The following AHNAK variants were observed in gnomAD, a reference collection of about 807,000 sequenced individuals.
AHNAK encodes AHNAK nucleoprotein.
AHNAK carries 23 observed loss-of-function variants against 37.8 expected under a neutral mutation model. The ratio of observed to expected loss-of-function variants is 0.61; its 90% CI spans 0.44 to 0.86. The LOEUF (loss-of-function observed/expected upper bound fraction) is 0.86. AHNAK is among the 40% of genes least tolerant of loss of function. The pLI, the probability that AHNAK is intolerant of heterozygous loss-of-function variation, is 0.00. For synonymous variants in AHNAK, 2,481 were observed against 2,636.3 expected (o/e 0.94, Z 1.80); for missense variants, 7,411 against 7,319.4 (o/e 1.01, Z -0.46).
At chr11:62,544,731 C>T (rs1941252044) in intron 1 of AHNAK, among the ~76,000 whole-genome samples, 1 of 152,166 alleles carries the variant, frequency 6.6e-6, no homozygotes, top group African/African-American at 2.4e-5. Flanking sequence ...CCCCATTCAG[C>T]TTCTGAAAGG....
Position 62,528,157 on chromosome 11 carries a change from T to C in AHNAK, c.6260A>G (p.Glu2087Gly), listed in dbSNP as rs1476092677. 1 of 1,613,506 alleles carries C rather than the reference T, an allele frequency of 6.2e-7. No homozygotes were observed. Among genetic ancestry groups the C allele is most frequent in the Admixed American group, 1.7e-5 (1 of 59,922 alleles). Residue 2087 changes from glutamate to glycine, a missense_variant, in exon 5 of 5, where the codon GAA (glutamate) becomes GGA (glycine). Coordinates refer to ENST00000378024, the MANE Select transcript of AHNAK (RefSeq NM_001620.3). Reference sequence around the variant, plus strand: ...ACCTTCAAGGCTCACATCTGGGACTTCAACATCCACCTTGGGTCCTGAGAC... The same window carrying C: ...ACCTTCAAGGCTCACATCTGGGACTCCAACATCCACCTTGGGTCCTGAGAC... ...VVVSGPKVDV[E>G]VPDVSLEGPE...
At position 62,481,643 on chromosome 11, in the gene AHNAK, T is replaced by TCTTGGCTCACTGCAAGCTCCA. The variant is rs1555024242; in HGVS notation, c.442+10088_442+10089insTGGAGCTTGCAGTGAGCCAAG. On this transcript the variant is annotated intron_variant, in intron 5 of 5. Coordinates refer to the AHNAK transcript ENST00000257247. ...CCTAGGCTGGAGTGCAGTGACACGA[T>TCTTGGCTCACTGCAAGCTCCA]CTTGGCTCACTGCAAGCTCCGCCTC... 3.6e-3 allele frequency among the ~76,000 whole-genome samples: 550 copies of TCTTGGCTCACTGCAAGCTCCA among 150,976 alleles called. 3 individuals carry two copies. The highest frequency in any genetic ancestry group is 0.013 in the African/African-American group (517 of 41,246).
chr11:62,465,544 C>A (rs1400083511), intron 5 of AHNAK, among the ~76,000 whole-genome samples: 3 of 151,828 alleles, frequency 2.0e-5, no homozygotes, highest in Admixed American at 2.0e-4. Context: ...ACCCAGGAGG[C>A]GGAGGTTGCA....
chr11:62,516,654 G>A lies in AHNAK; in HGVS notation c.*90C>T, dbSNP rs1940026830. ...TTGCATGATTGCTGAGGCAGTCGGT[G>A]TGTTTCCCTTTGGAGTTTATATAGG... On this transcript the variant is annotated 3_prime_UTR_variant, in exon 5 of 5. Transcript: ENST00000378024. 2 of 1,509,538 alleles carry A rather than the reference G, an allele frequency of 1.3e-6. No homozygotes were observed. The highest frequency in any genetic ancestry group is 2.8e-5 in the South Asian group (2 of 71,214). 93.5% of individuals were successfully genotyped at this position (1,509,538 alleles called of 1,614,324 possible). A position where few individuals can be genotyped will look rare whatever the true frequency, so the allele number is the denominator to read the frequency against.
At chr11:62,541,155 T>TC (rs1941111666) in intron 1 of AHNAK, among the ~76,000 whole-genome samples, 1 of 151,710 alleles carries the variant, frequency 6.6e-6, no homozygotes, top group African/African-American at 2.4e-5. Context: ...AAACACACAC[T>TC]CCCCCAGAGA....
intron 5 of AHNAK, among the ~76,000 whole-genome samples, chr11:62,463,761 T>C (rs1258135431): frequency 6.6e-6 from 1 of 151,908 alleles, no homozygotes; most frequent in Non-Finnish European, 1.5e-5. Flanking sequence ...TTGGGTTTTG[T>C]TTTTGTTTTT....
intron 5 of AHNAK, among the ~76,000 whole-genome samples, chr11:62,460,692 G>A (rs1463100403): frequency 6.6e-6 from 1 of 152,162 alleles, no homozygotes; most frequent in South Asian, 2.1e-4. Context: ...AGACAGATAA[G>A]GATGGTGGAA....
intron 4 of AHNAK, among the ~76,000 whole-genome samples, chr11:62,509,671 C>G (rs1939874682): frequency 6.6e-6 from 1 of 152,114 alleles, no homozygotes; most frequent in Non-Finnish European, 1.5e-5. Context: ...AATCCCAGCA[C>G]TTTGGGAGGC....
intron 5 of AHNAK, among the ~76,000 whole-genome samples, chr11:62,466,873 G>C (rs1162295869): frequency 6.6e-6 from 1 of 152,104 alleles, no homozygotes; most frequent in Non-Finnish European, 1.5e-5. Context: ...ACATAACTAA[G>C]ATAAGGAAGC....
chr11:62,447,399 C>T (rs1174696448), intron 5 of AHNAK, among the ~76,000 whole-genome samples: 1 of 152,168 alleles, frequency 6.6e-6, no homozygotes, highest in Admixed American at 6.5e-5. Context: ...ATCATCACCA[C>T]CCCACATCCC....
intron 5 of AHNAK, among the ~76,000 whole-genome samples, chr11:62,463,826 C>T (rs570515860): frequency 5.7e-4 from 87 of 152,032 alleles, no homozygotes; most frequent in Non-Finnish European, 1.0e-3. Flanking sequence ...TGCAATGGTA[C>T]GATCTCGGCT....
chr11:62,484,053 A>AG (rs1343284567), intron 5 of AHNAK, among the ~76,000 whole-genome samples: 25 of 150,356 alleles, frequency 1.7e-4, no homozygotes, highest in Non-Finnish European at 2.7e-4. Context: ...AAAAAAAAAA[A>AG]AAAGAAAGGG....
chr11:62,546,304 C>A (rs1049334990), intron 1 of AHNAK, among the ~76,000 whole-genome samples: 3 of 152,220 alleles, frequency 2.0e-5, no homozygotes, highest in Non-Finnish European at 4.4e-5. Flanking sequence ...AGCCCCCGAG[C>A]CACCGCCCCA....
chr11:62,536,329 G>A (rs1339870695), intron 2 of AHNAK, 140 bp downstream of exon 2: 5 of 458,198 alleles, frequency 1.1e-5, no homozygotes, highest in Non-Finnish European at 1.5e-5. Context: ...AGATGGAAAG[G>A]AGACAGCAGA....
Position 62,531,136 on chromosome 11 carries a change from C to A in AHNAK, c.3281G>T (p.Gly1094Val), listed in dbSNP as rs1442316765. Residue 1094 changes from glycine to valine, a missense_variant, in exon 5 of 5, where the codon GGT becomes GTT. Coordinates refer to ENST00000378024, the MANE Select transcript of AHNAK (RefSeq NM_001620.3). ...NVDISAPKIE[G>V]EMQVPDVDIR... is the part of the protein sequence containing the mutation. ...GTCCACATCTGGAACCTGCATTTCACCCTCTATCTTTGGTGCAGAGATATC... is the reference window on the plus strand; with the variant it reads ...GTCCACATCTGGAACCTGCATTTCAACCTCTATCTTTGGTGCAGAGATATC... 6.2e-7 allele frequency: 1 copy of A among 1,613,990 alleles called. No homozygotes were observed. The highest frequency in any genetic ancestry group is 1.3e-5 in the African/African-American group (1 of 74,906).
rs199977563 is a variant in AHNAK, at chr11:62,530,132, C to A, written c.4285G>T (p.Gly1429Cys). 163 of 1,613,956 alleles carry A rather than the reference C, an allele frequency of 1.0e-4. 1 individual carries two copies. Among genetic ancestry groups the A allele is most frequent in the Non-Finnish European group, 1.2e-4 (147 of 1,180,026 alleles). ...GGACCTTTTAGTTTTGCGTCTGGACCTTCAATATTCACATCTGGAACTTCA... is the reference window on the plus strand; with the variant it reads ...GGACCTTTTAGTTTTGCGTCTGGACATTCAATATTCACATCTGGAACTTCA... The part of the protein sequence containing the change: ...DAEVPDVNIE[G>C]PDAKLKGPKF... The change falls in exon 5 of 5, where the codon GGT becomes TGT. Residue 1429 changes from glycine (G) to cysteine (C), a missense_variant. Coordinates refer to ENST00000378024, the MANE Select transcript of AHNAK (RefSeq NM_001620.3).
At chr11:62,459,657 G>A (rs1354419144) in intron 5 of AHNAK, among the ~76,000 whole-genome samples, 1 of 152,206 alleles carries the variant, frequency 6.6e-6, no homozygotes, top group Admixed American at 6.5e-5. Flanking sequence ...CATTGAGAAG[G>A]AGGCCAGATG....
At position 62,523,441 on chromosome 11, in the gene AHNAK, A is replaced by G; in HGVS notation, c.10976T>C (p.Phe3659Ser). The G allele has an allele frequency of 6.2e-7, 1 of 1,612,988 alleles. No individual in the cohort carries two copies. The highest frequency in any genetic ancestry group is 8.5e-7 in the Non-Finnish European group (1 of 1,179,728). The change falls in exon 5 of 5, where the codon TTC becomes TCC. Residue 3659 changes from phenylalanine (F) to serine (S), a missense_variant. Phe to Ser is a radical substitution (Grantham distance 155). Coordinates refer to ENST00000378024, the MANE Select transcript of AHNAK (RefSeq NM_001620.3). ...GPDAKLKGPK[F>S]KMPEMNIKAP... is the part of the protein sequence containing the mutation. ...TTTGATGTTCATCTCAGGCATCTTG[A>G]ACTTGGGGCCCTTCAGCTTTGCATC...
intron 5 of AHNAK, among the ~76,000 whole-genome samples, chr11:62,441,630 T>C (rs921338793): frequency 1.3e-5 from 2 of 151,716 alleles, no homozygotes; most frequent in Non-Finnish European, 2.9e-5. Context: ...GCCTCCCGAG[T>C]AGCTGGGATT....
Sources: allele counts gnomAD v4.1 joint callset (sites outside exome capture counted in the v4.1 genomes callset), GRCh38; gene constraint gnomAD v4.1.1; transcripts MANE v1.5; gene names NCBI Gene and HGNC (gene_info 2026-07-23, HGNC 2026-07-21).